The following HOXA13 variants were observed in gnomAD, a reference collection of about 807,000 sequenced individuals.
The protein encoded by HOXA13 is homeobox protein Hox-A13.
HOXA13 carries 5 observed loss-of-function variants against 25.7 expected under a neutral mutation model. The observed-to-expected ratio is 0.19, with a 90% CI of 0.10 to 0.41. The LOEUF is 0.41. HOXA13 is among the 10% of genes least tolerant of loss of function. The pLI, the probability that HOXA13 is intolerant of heterozygous loss-of-function variation, is 1.00. For missense variants in HOXA13, 557 were observed against 533.5 expected, an observed-to-expected ratio of 1.04 and a Z score of -0.43; for synonymous variants, 284 against 241.1, an observed-to-expected ratio of 1.18 and a Z score of -1.65.
At position 27,199,462 on chromosome 7, in the gene HOXA13, A is replaced by G; in HGVS notation, c.616T>C (p.Phe206Leu). 6.2e-7 allele frequency: 1 copy of G among 1,612,490 alleles called. No homozygotes were observed. Among genetic ancestry groups the G allele is most frequent in the African/African-American group, 1.3e-5 (1 of 74,964 alleles). Residue 206 changes from phenylalanine (F) to leucine (L), a missense_variant, in exon 1 of 2, where the codon TTC (phenylalanine) becomes CTC (leucine). Phe to Leu is a conservative substitution (Grantham distance 22). Transcript: ENST00000649031. ...QPASAAAAAA[F>L]ADKYMDTAGP... ...GCGGTATCCATGTACTTGTCCGCGA[A>G]GGCGGCGGCGGCGGCGGCCGAGGCG... is the stretch of plus-strand genomic sequence containing the variant.
chr7:27,198,605 T>C, intron 1 of HOXA13, 163 bp from the exon 2 acceptor site: 4 of 789,312 alleles, frequency 5.1e-6, no homozygotes, highest in South Asian at 4.8e-5. Context: ...GTGGGGAAGG[T>C]AGTTAGTTCT....
rs748171570 is a variant in HOXA13, at chr7:27,199,784, C to A, written c.294G>T (p.Ala98=). The change falls in exon 1 of 2, where the codon GCG becomes GCT. Residue 98 remains alanine (A), a synonymous_variant. Coordinates refer to ENST00000649031, the MANE Select transcript of HOXA13 (RefSeq NM_000522.5). ...RNLMAHPAPL[A]PGAASAYSSA... The stretch of plus-strand genomic sequence containing the variant: ...TGCTGTAGGCGGACGCGGCTCCTGG[C>A]GCCAAGGGCGCCGGGTGCGCCATCA... 23 of 1,020,350 alleles carry A rather than the reference C, an allele frequency of 2.3e-5. No homozygotes were observed. The South Asian group carries it at 4.8e-4, about 21-fold the overall frequency. 63.2% of individuals were successfully genotyped at this position (1,020,350 alleles called of 1,614,324 possible).
rs1784064447 is a variant in HOXA13 at position 27,199,640 on chromosome 7, G to C, written c.438C>G (p.Gly146=). The C allele has an allele frequency of 1.6e-6, 2 of 1,280,666 alleles. No individual in the cohort carries two copies. The highest frequency in any genetic ancestry group is 1.6e-5 in the African/African-American group (1 of 62,778). The allele number at this position is 1,280,666 out of a possible 1,614,324, so 79.3% of individuals were successfully genotyped here. A position where few individuals can be genotyped will look rare whatever the true frequency, so the allele number is the denominator to read the frequency against. ...SGGPGPAGPA[G]AEAAKQCSPC... is the part of the protein sequence containing the mutation. ...GGCTGCATTGCTTGGCGGCCTCTGC[G>C]CCCGCCGGGCCCGCCGGGCCGGGAC... The change falls in exon 1 of 2, where the codon GGC becomes GGG. Residue 146 remains glycine (G), a synonymous_variant. Coordinates refer to ENST00000649031, the MANE Select transcript of HOXA13 (RefSeq NM_000522.5).
chr7:27,198,729 C>A (rs889239693), intron 1 of HOXA13: 1 of 550,348 alleles, frequency 1.8e-6, no homozygotes, highest in Admixed American at 3.1e-5. Context: ...CACACCTTAG[C>A]GCCAGGCTCA....
chr7:27,198,838 G>C (rs969623156), intron 1 of HOXA13: 1 of 463,466 alleles, frequency 2.2e-6, no homozygotes, highest in African/African-American at 2.0e-5. Context: ...ATAGGGAGGG[G>C]CAATTTGGGG....
At position 27,199,955 on chromosome 7, in the gene HOXA13, A is replaced by AGCC; in HGVS notation, c.120_122dup (p.Ala51dup). 7.5e-7 allele frequency: 1 copy of AGCC among 1,338,322 alleles called. No individual in the cohort carries two copies. Among genetic ancestry groups the AGCC allele is most frequent in the Non-Finnish European group, 9.8e-7 (1 of 1,024,726 alleles). The allele number at this position is 1,338,322 out of a possible 1,614,324, so 82.9% of individuals were successfully genotyped here. A position where few individuals can be genotyped will look rare whatever the true frequency, so the allele number is the denominator to read the frequency against. On this transcript the variant is annotated inframe_insertion, in exon 1 of 2. Transcript: ENST00000649031. Reference sequence around the variant, plus strand: ...CCGCCGCCGCTGCAGCCGCTGCTGCAGCCGCCGCCGCCCCTTCCATGTTCT... The same window carrying AGCC: ...CCGCCGCCGCTGCAGCCGCTGCTGCAGCCGCCGCCGCCGCCCCTTCCATGTTCT...
chr7:27,198,287 T>C lies in HOXA13; in HGVS notation c.1078A>G (p.Asn360Asp). Reference sequence around the variant, plus strand: ...ATTGTGACCTGCCGCTCAGAGAGATTCGTCGTGGCTGATATCCGCCTCCGT... The same window carrying C: ...ATTGTGACCTGCCGCTCAGAGAGATCCGTCGTGGCTGATATCCGCCTCCGT... ...DKRRRISATT[N>D]LSERQVTIWF... Residue 360 changes from asparagine (N) to aspartate (D), a missense_variant, in exon 2 of 2, where the codon AAT becomes GAT. Coordinates refer to ENST00000649031, the MANE Select transcript of HOXA13 (RefSeq NM_000522.5). 6.2e-7 allele frequency: 1 copy of C among 1,614,250 alleles called. No homozygotes were observed. Among genetic ancestry groups the C allele is most frequent in the Middle Eastern group, 1.6e-4 (1 of 6,062 alleles).
At chr7:27,198,545 C>T in intron 1 of HOXA13, 103 bp from the exon 2 acceptor site, 2 of 1,366,788 alleles carry the variant, frequency 1.5e-6, no homozygotes, top group Non-Finnish European at 2.1e-6. Context: ...CCCGGCTGCT[C>T]TTTGCCACCC....
rs930614502 is a variant in HOXA13, at chr7:27,196,305, T to C, written c.*1893A>G. 8 of 152,174 alleles carry C rather than the reference T, an allele frequency of 5.3e-5. No homozygotes were observed. Among genetic ancestry groups the C allele is most frequent in the African/African-American group, 1.4e-4 (6 of 41,436 alleles). 9.4% of individuals were successfully genotyped at this position (152,174 alleles called of 1,614,324 possible). A position where few individuals can be genotyped will look rare whatever the true frequency, so the allele number is the denominator to read the frequency against. On this transcript the variant is annotated 3_prime_UTR_variant, in exon 2 of 2. Coordinates refer to ENST00000649031, the MANE Select transcript of HOXA13 (RefSeq NM_000522.5). ...GAGCCAAATAATTGAGTACTGAATC[T>C]CTAAAGTCAAGGAGGTAAGAGCTCT...
Position 27,199,679 on chromosome 7 carries a change from C to CGCGGCGGCGGCG in HOXA13, c.387_398dup (p.Ala130_Ala133dup), listed in dbSNP as rs955237055. 8.6e-7 allele frequency: 1 copy of CGCGGCGGCGGCG among 1,156,662 alleles called. No homozygotes were observed. The highest frequency in any genetic ancestry group is 4.8e-5 in the Admixed American group (1 of 20,832). 71.6% of individuals were successfully genotyped at this position (1,156,662 alleles called of 1,614,324 possible). A position where few individuals can be genotyped will look rare whatever the true frequency, so the allele number is the denominator to read the frequency against. On this transcript the variant is annotated inframe_insertion, in exon 1 of 2. Transcript: ENST00000649031. ...CCGGGCCGGGACCTCCCGAGGACGA[C>CGCGGCGGCGGCG]GCGGCGGCGGCGGCGGCGGCTGCAG... is the stretch of plus-strand genomic sequence containing the variant.
chr7:27,199,046 A>C, intron 1 of HOXA13, 110 bp downstream of exon 1: 4 of 1,053,106 alleles, frequency 3.8e-6, no homozygotes, highest in Non-Finnish European at 5.5e-6. Context: ...CAGAGCCGCT[A>C]GGGCAGACCA....
Position 27,199,516 on chromosome 7 carries a change from G to T in HOXA13, c.562C>A (p.Pro188Thr). The change falls in exon 1 of 2, where the codon CCC becomes ACC. Residue 188 changes from proline (P) to threonine (T), a missense_variant. Physicochemically the swap from Pro to Thr is conservative, Grantham distance 38. Coordinates refer to ENST00000649031, the MANE Select transcript of HOXA13 (RefSeq NM_000522.5). ...YYPCARMGPH[P>T]NAIKSCAQPA... Reference sequence around the variant, plus strand: ...TGCGCGCACGACTTGATGGCGTTGGGGTGCGGGCCCATGCGGGCGCACGGG... The same window carrying T: ...TGCGCGCACGACTTGATGGCGTTGGTGTGCGGGCCCATGCGGGCGCACGGG... 1 of 1,601,518 alleles carries T rather than the reference G, an allele frequency of 6.2e-7. No homozygotes were observed. The highest frequency in any genetic ancestry group is 8.5e-7 in the Non-Finnish European group (1 of 1,174,714).
At position 27,197,344 on chromosome 7, in the gene HOXA13, T is replaced by C. The variant is rs1028747564; in HGVS notation, c.*854A>G. ...GTGTTCAAACCAAAGTCCATCATGT[T>C]GGGATGGAAACTCTCGGGAGATCTC... On this transcript the variant is annotated 3_prime_UTR_variant, in exon 2 of 2. Transcript: ENST00000649031. The C allele has an allele frequency of 9.4e-6, 2 of 212,402 alleles. No individual in the cohort carries two copies. The highest frequency in any genetic ancestry group is 4.5e-5 in the African/African-American group (2 of 44,234). 13.2% of individuals were successfully genotyped at this position (212,402 alleles called of 1,614,324 possible).
At chr7:27,199,017 G>T in intron 1 of HOXA13, 139 bp downstream of exon 1, 1 of 782,604 alleles carries the variant, frequency 1.3e-6, no homozygotes. Context: ...AGCCAGCCAT[G>T]CTCGGGCTCC....
rs756946157 is a variant in HOXA13 at position 27,199,965 on chromosome 7, G to A, written c.113C>T (p.Ala38Val). The change falls in exon 1 of 2, where the codon GCG (alanine) becomes GTG (valine). Residue 38 changes from alanine (A) to valine (V), a missense_variant. Coordinates refer to ENST00000649031, the MANE Select transcript of HOXA13 (RefSeq NM_000522.5). ...TGCAGCCGCTGCTGCAGCCGCCGCC[G>A]CCCCTTCCATGTTCTTGTTGAGCTC... is the stretch of plus-strand genomic sequence containing the variant. ...ADELNKNMEG[A>V]AAAAAAAAAA... The A allele has an allele frequency of 1.4e-6, 2 of 1,414,092 alleles. No homozygotes were observed. Among genetic ancestry groups the A allele is most frequent in the Non-Finnish European group, 9.4e-7 (1 of 1,067,004 alleles). 87.6% of individuals were successfully genotyped at this position (1,414,092 alleles called of 1,614,324 possible).
At position 27,199,641 on chromosome 7, in the gene HOXA13, C is replaced by CCCGCCGGGA. The variant is rs1286035239; in HGVS notation, c.436_437insTCCCGGCGG (p.Ala145_Gly146insValProAla). 1 of 1,281,020 alleles carries CCCGCCGGGA rather than the reference C, an allele frequency of 7.8e-7. No homozygotes were observed. The allele number at this position is 1,281,020 out of a possible 1,614,324, so 79.4% of individuals were successfully genotyped here. ...GCTGCATTGCTTGGCGGCCTCTGCG[C>CCCGCCGGGA]CCGCCGGGCCCGCCGGGCCGGGACC... On this transcript the variant is annotated inframe_insertion, in exon 1 of 2. Transcript: ENST00000649031.
chr7:27,199,850 GGCC>G lies in HOXA13; in HGVS notation c.225_227del (p.Ala84del). ...TGGCCGCGGCCGCCGCCGCAGCCGC[GGCC>G]GCCGCCGCCACCGAGAAGTTGCCCC... On this transcript the variant is annotated inframe_deletion, in exon 1 of 2. Transcript: ENST00000649031. 6 of 993,912 alleles carry G rather than the reference GGCC, an allele frequency of 6.0e-6. No individual in the cohort carries two copies. Among genetic ancestry groups the G allele is most frequent in the Non-Finnish European group, 6.0e-6 (5 of 834,972 alleles). The allele number at this position is 993,912 out of a possible 1,614,324, so 61.6% of individuals were successfully genotyped here. A position where few individuals can be genotyped will look rare whatever the true frequency, so the allele number is the denominator to read the frequency against.
chr7:27,198,064 A>T lies in HOXA13; in HGVS notation c.*134T>A. 1.0e-6 allele frequency: 1 copy of T among 991,560 alleles called. No homozygotes were observed. The highest frequency in any genetic ancestry group is 1.6e-6 in the Non-Finnish European group (1 of 643,332). 61.4% of individuals were successfully genotyped at this position (991,560 alleles called of 1,614,324 possible). A position where few individuals can be genotyped will look rare whatever the true frequency, so the allele number is the denominator to read the frequency against. Reference sequence around the variant, plus strand: ...AAGAGAAAGAGATCTCCTTCGGGAGAGGAAAATGCCAGTCTCTGTCTCTTT... The same window carrying T: ...AAGAGAAAGAGATCTCCTTCGGGAGTGGAAAATGCCAGTCTCTGTCTCTTT... On this transcript the variant is annotated 3_prime_UTR_variant, in exon 2 of 2. Coordinates refer to ENST00000649031, the MANE Select transcript of HOXA13 (RefSeq NM_000522.5).
Position 27,200,049 on chromosome 7 carries a change from C to G in HOXA13, c.29G>C (p.Arg10Pro). The G allele has an allele frequency of 6.8e-7, 1 of 1,478,002 alleles. No individual in the cohort carries two copies. The highest frequency in any genetic ancestry group is 9.1e-7 in the Non-Finnish European group (1 of 1,098,526). The allele number at this position is 1,478,002 out of a possible 1,614,324, so 91.6% of individuals were successfully genotyped here. Residue 10 changes from arginine (R) to proline (P), a missense_variant, in exon 1 of 2, where the codon CGC becomes CCC. Coordinates refer to ENST00000649031, the MANE Select transcript of HOXA13 (RefSeq NM_000522.5). MTASVLLHP[R>P]WIEPTVMFLY... ...AAACATGACGGTGGGCTCGATCCAG[C>G]GGGGGTGGAGGAGCACGGAGGCTGT...
Sources: allele counts gnomAD v4.1 joint callset, GRCh38; gene constraint gnomAD v4.1.1; transcripts MANE v1.5; gene names NCBI Gene and HGNC (gene_info 2026-07-23, HGNC 2026-07-21).